The following PLEKHD1 variants were observed in gnomAD, a reference collection of about 807,000 sequenced individuals.
PLEKHD1 encodes pleckstrin homology and coiled-coil domain containing D1, also known as pleckstrin homology domain-containing family D member 1.
A neutral mutation model predicts 69.2 loss-of-function variants in PLEKHD1; 51 were observed. That is an observed-to-expected ratio of 0.74 (90% CI 0.59 to 0.93). PLEKHD1 has a LOEUF of 0.93. Ranked by LOEUF, PLEKHD1 falls within the 40% of genes least tolerant of loss-of-function variation. The pLI is 0.00. For synonymous variants in PLEKHD1, 236 were observed against 244.7 expected (o/e 0.96, Z 0.33); for missense variants, 584 against 641.0 (o/e 0.91, Z 0.96).
intron 1 of PLEKHD1, among the ~76,000 whole-genome samples, chr14:69,491,162 G>C (rs902340281): frequency 6.6e-6 from 1 of 152,108 alleles, no homozygotes; most frequent in Admixed American, 6.5e-5. Flanking sequence ...CAATGTACAC[G>C]GTCCTTGTTG....
chr14:69,479,648 AT>A, the PLEKHD1 span, among the ~76,000 whole-genome samples: 25,505 of 151,980 alleles, frequency 0.17, 2,455 homozygotes, highest in Middle Eastern at 0.27. Flanking sequence ...CTCTAAAAAA[AT>A]AATAATAATA....
At chr14:69,523,839 G>T (rs778794845) in intron 7 of PLEKHD1, among the ~76,000 whole-genome samples, 3 of 152,210 alleles carry the variant, frequency 2.0e-5, no homozygotes, top group Admixed American at 2.0e-4. Flanking sequence ...CAAGGAGCTT[G>T]TTACTAACCC....
At chr14:69,472,912 G>A in the PLEKHD1 span, among the ~76,000 whole-genome samples, 1 of 152,096 alleles carries the variant, frequency 6.6e-6, no homozygotes, top group Non-Finnish European at 1.5e-5. Context: ...TCAGATCAGC[G>A]GCAGCATTCG....
In PLEKHD1 at chr14:69,500,116, T is replaced by C; in HGVS notation, c.151T>C (p.Phe51Leu). The part of the protein sequence containing the change: ...GRPSAKWSRR[F>L]FIIKESFLLY... ...TTCCTTCCCCACCGCCCACTATAGG[T>C]TTTTCATCATCAAAGAGAGCTTTCT... The change falls in exon 2 of 13, where the codon TTT becomes CTT. Residue 51 changes from phenylalanine (F) to leucine (L), a missense_variant and splice_region_variant. Coordinates refer to ENST00000322564, the MANE Select transcript of PLEKHD1 (RefSeq NM_001161498.2). The C allele has an allele frequency of 1.3e-6, 2 of 1,547,158 alleles. No individual in the cohort carries two copies. The highest frequency in any genetic ancestry group is 1.2e-5 in the South Asian group (1 of 83,938).
chr14:69,526,164 G>A (rs1417109173), intron 9 of PLEKHD1, 42 bp downstream of exon 9: 2 of 1,500,614 alleles, frequency 1.3e-6, no homozygotes, highest in Non-Finnish European at 1.8e-6. Context: ...TGACTTTGGG[G>A]TCTGGGGACT....
At chr14:69,468,919 T>C in the PLEKHD1 span, among the ~76,000 whole-genome samples, 1 of 152,208 alleles carries the variant, frequency 6.6e-6, no homozygotes, top group Admixed American at 6.5e-5. Flanking sequence ...TAGGGGTTTT[T>C]AAAAAAGTCA....
At position 69,485,131 on chromosome 14, in the gene PLEKHD1, G is replaced by C; in HGVS notation, c.149+17G>C. ...GTCCCGGCGGTGAGTGCGCCCCCGC[G>C]CCCCAAGGAGACCGCCGGGGAGAGA... On this transcript the variant is annotated intron_variant, in intron 1 of 12. Transcript: ENST00000322564. The C allele has an allele frequency of 6.5e-7, 1 of 1,544,816 alleles. No individual in the cohort carries two copies. Among genetic ancestry groups the C allele is most frequent in the Non-Finnish European group, 8.7e-7 (1 of 1,143,474 alleles).
chr14:69,509,890 A>G (rs906423208), intron 6 of PLEKHD1, among the ~76,000 whole-genome samples: 3 of 152,002 alleles, frequency 2.0e-5, no homozygotes, highest in Admixed American at 6.5e-5. Context: ...GTGAGCCAAG[A>G]TCACACCACT....
intron 6 of PLEKHD1, 87 bp downstream of exon 6, chr14:69,502,966 C>A: frequency 1.4e-6 from 2 of 1,478,118 alleles, no homozygotes; most frequent in Non-Finnish European, 1.8e-6. Flanking sequence ...GAGCTGGGTG[C>A]ACAGAGGACT....
At chr14:69,491,379 G>A (rs2139495168) in intron 1 of PLEKHD1, among the ~76,000 whole-genome samples, 1 of 152,306 alleles carries the variant, frequency 6.6e-6, no homozygotes, top group East Asian at 1.9e-4. Flanking sequence ...CCACCTCGCT[G>A]TCACCAGAGA....
chr14:69,489,558 C>CAAAAAAAA (rs1166429791), intron 1 of PLEKHD1, among the ~76,000 whole-genome samples: 6 of 59,874 alleles, frequency 1.0e-4, no homozygotes, highest in African/African-American at 1.4e-4. Context: ...TACTCCATCT[C>CAAAAAAAA]AAAAAAAAAA....
intron 1 of PLEKHD1, among the ~76,000 whole-genome samples, chr14:69,493,574 T>C (rs1324691157): frequency 6.6e-6 from 1 of 152,220 alleles, no homozygotes; most frequent in South Asian, 2.1e-4. Flanking sequence ...AGAGTTGTTA[T>C]GAGAAATTTA....
chr14:69,507,883 A>T (rs1295822), intron 6 of PLEKHD1, among the ~76,000 whole-genome samples: 40,249 of 151,618 alleles, frequency 0.27, 5,842 homozygotes, highest in African/African-American at 0.38. Context: ...TAATTTTTTT[A>T]AATTATTTTT....
chr14:69,522,128 G>T (rs1025910605), intron 6 of PLEKHD1, among the ~76,000 whole-genome samples, 155 bp from the exon 7 acceptor site: 2 of 152,156 alleles, frequency 1.3e-5, no homozygotes, highest in South Asian at 4.1e-4. Context: ...CAATGAGTGG[G>T]GCCAGCGGGC....
chr14:69,502,522 G>A, intron 5 of PLEKHD1: 1 of 409,786 alleles, frequency 2.4e-6, no homozygotes, highest in South Asian at 2.4e-5. Context: ...ATTAGTGCAG[G>A]TGGAAGGTGG....
intron 6 of PLEKHD1, among the ~76,000 whole-genome samples, chr14:69,506,449 C>T (rs1294280162): frequency 6.6e-6 from 1 of 152,206 alleles, no homozygotes; most frequent in Non-Finnish European, 1.5e-5. Context: ...TGGTAACTTC[C>T]ACTCTTATCA....
At position 69,524,262 on chromosome 14, in the gene PLEKHD1, T is replaced by G; in HGVS notation, c.684T>G (p.Gly228=). The G allele has an allele frequency of 6.4e-7, 1 of 1,551,530 alleles. No individual in the cohort carries two copies. ...AACTGACTGCAAGATGCCTTAAGGG[T>G]GTAGAACAAGAGAAAAAGGAACTGA... is the stretch of plus-strand genomic sequence containing the variant. ...ELELTARCLK[G]VEQEKKELRH... The change falls in exon 8 of 13, where the codon GGT becomes GGG. Residue 228 remains glycine, a synonymous_variant. Coordinates refer to ENST00000322564, the MANE Select transcript of PLEKHD1 (RefSeq NM_001161498.2).
Position 69,511,744 on chromosome 14 carries a change from T to A in PLEKHD1, c.555+8865T>A, listed in dbSNP as rs190833213. Among the ~76,000 whole-genome samples the A allele has an allele frequency of 1.6e-3, 237 of 152,090 alleles. 2 individuals carry two copies. Among genetic ancestry groups the A allele is most frequent in the African/African-American group, 5.6e-3 (231 of 41,506 alleles). ...TTTGTATTTTTTATTAGAGACATGG[T>A]TTCACCATGTTGGTCAGGCTGGTCT... On this transcript the variant is annotated intron_variant, in intron 6 of 12. Coordinates refer to ENST00000322564, the MANE Select transcript of PLEKHD1 (RefSeq NM_001161498.2).
At chr14:69,477,354 T>G in the PLEKHD1 span, among the ~76,000 whole-genome samples, 1 of 152,208 alleles carries the variant, frequency 6.6e-6, no homozygotes, top group Admixed American at 6.5e-5. Flanking sequence ...GAATTCAAGA[T>G]GAGATTTGGG....
Sources: allele counts gnomAD v4.1 joint callset (sites outside exome capture counted in the v4.1 genomes callset), GRCh38; gene constraint gnomAD v4.1.1; transcripts MANE v1.5; gene names NCBI Gene and HGNC (gene_info 2026-07-23, HGNC 2026-07-21).